The following PCDHA5 variants were observed in gnomAD, a reference collection of about 807,000 sequenced individuals.
PCDHA5 encodes protocadherin alpha 5, also known as protocadherin alpha-5.
A neutral mutation model predicts 61.6 loss-of-function variants in PCDHA5; 43 were observed. The observed-to-expected ratio is 0.70, with a 90% CI of 0.55 to 0.90. PCDHA5 has a LOEUF of 0.90. PCDHA5 is among the 40% of genes least tolerant of loss of function. The pLI, the probability that PCDHA5 is intolerant of heterozygous loss-of-function variation, is 0.00. For missense variants in PCDHA5, 1,298 were observed against 1,222.7 expected, an observed-to-expected ratio of 1.06 and a Z score of -0.92; for synonymous variants, 627 against 543.9, an observed-to-expected ratio of 1.15 and a Z score of -2.13.
chr5:140,858,135 T>C, intron 1 of PCDHA5: 1 of 1,597,450 alleles, frequency 6.3e-7, no homozygotes. Context: ...GATGTCAACG[T>C]GTACCTGATC....
At chr5:140,923,528 CA>C (rs1240707958) in intron 1 of PCDHA5, among the ~76,000 whole-genome samples, 1 of 151,622 alleles carries the variant, frequency 6.6e-6, no homozygotes, top group Non-Finnish European at 1.5e-5. Context: ...GATTCTGTCC[CA>C]AAAAAAGGAC....
At position 140,827,909 on chromosome 5, in the gene PCDHA5, A is replaced by C. The variant is rs2150149733; in HGVS notation, c.2352+3782A>C. On this transcript the variant is annotated intron_variant, in intron 1 of 3. Transcript: ENST00000529859. ...ATTTCTTACCTTTTGGAGCCGCATGATGTCGCTGTCTACCATGAAGTTATA... is the reference window on the plus strand; with the variant it reads ...ATTTCTTACCTTTTGGAGCCGCATGCTGTCGCTGTCTACCATGAAGTTATA... 8.5e-6 allele frequency: 7 copies of C among 822,554 alleles called. No individual in the cohort carries two copies. In the East Asian group the frequency reaches 1.5e-4, roughly 17 times the overall value. The allele number at this position is 822,554 out of a possible 1,614,324, so 51.0% of individuals were successfully genotyped here. A position where few individuals can be genotyped will look rare whatever the true frequency, so the allele number is the denominator to read the frequency against.
At chr5:140,842,986 G>T in intron 1 of PCDHA5, 1 of 1,595,006 alleles carries the variant, frequency 6.3e-7, no homozygotes, top group Admixed American at 1.7e-5. Context: ...AGGTGTTCGT[G>T]CTGGACGAGA....
intron 1 of PCDHA5, chr5:140,929,177 T>G: frequency 6.2e-7 from 1 of 1,614,172 alleles, no homozygotes; most frequent in Non-Finnish European, 8.5e-7. Flanking sequence ...TCTCTGGGAC[T>G]TGGTTCTGAT....
At chr5:140,931,260 T>G (rs576177407) in intron 1 of PCDHA5, among the ~76,000 whole-genome samples, 1 of 152,156 alleles carries the variant, frequency 6.6e-6, no homozygotes, top group South Asian at 2.1e-4. Context: ...GAAATTTCAC[T>G]ATTTATTTCT....
At position 140,927,438 on chromosome 5, in the gene PCDHA5, C is replaced by A. The variant is rs1446762816; in HGVS notation, c.2353-51511C>A. ...GATCGCGGGTTGACGGCAGCGAATACCCGGAGTTGGTGTTGGAGAAAGCAC... is the reference window on the plus strand; with the variant it reads ...GATCGCGGGTTGACGGCAGCGAATAACCGGAGTTGGTGTTGGAGAAAGCAC... On this transcript the variant is annotated intron_variant, in intron 1 of 3. Coordinates refer to ENST00000529859, the MANE Select transcript of PCDHA5 (RefSeq NM_018908.3). 3 of 1,614,032 alleles carry A rather than the reference C, an allele frequency of 1.9e-6. No individual in the cohort carries two copies. The Admixed American group carries it at 5.0e-5, about 27-fold the overall frequency.
intron 1 of PCDHA5, among the ~76,000 whole-genome samples, chr5:140,915,582 G>A (rs991142864): frequency 2.6e-5 from 4 of 152,056 alleles, no homozygotes; most frequent in South Asian, 4.1e-4. Flanking sequence ...CCAGGCAAAA[G>A]CACTTGTTCT....
At chr5:140,883,113 G>A in intron 1 of PCDHA5, 2 of 1,614,086 alleles carry the variant, frequency 1.2e-6, no homozygotes, top group Non-Finnish European at 1.7e-6. Context: ...TACTCATTTA[G>A]AAGGCCTGTA....
intron 1 of PCDHA5, among the ~76,000 whole-genome samples, chr5:140,973,558 T>C (rs1427190876): frequency 6.6e-6 from 1 of 152,238 alleles, no homozygotes; most frequent in Admixed American, 6.5e-5. Flanking sequence ...AATTACCTCT[T>C]TCCTCAATTT....
chr5:140,883,702 T>C (rs367854871), intron 1 of PCDHA5: 80 of 1,613,632 alleles, frequency 5.0e-5, no homozygotes, highest in South Asian at 6.6e-5. Context: ...TCACGGTGTC[T>C]GCTCAGGACG....
At chr5:140,931,547 T>C (rs2087587732) in intron 1 of PCDHA5, among the ~76,000 whole-genome samples, 1 of 152,064 alleles carries the variant, frequency 6.6e-6, no homozygotes, top group Admixed American at 6.5e-5. Flanking sequence ...ACTGTTCATA[T>C]GTGCAGGAAT....
chr5:140,823,842 G>A lies in PCDHA5; in HGVS notation c.2067G>A (p.Glu689=). The change falls in exon 1 of 4, where the codon GAG becomes GAA. Residue 689 remains glutamate, a synonymous_variant. Transcript: ENST00000529859. The part of the protein sequence containing the change: ...SRASAGAVGP[E]AALVDVNVYL... Reference sequence around the variant, plus strand: ...CGTCGGCGGGCGCTGTGGGTCCCGAGGCTGCCCTGGTGGATGTCAACGTGT... The same window carrying A: ...CGTCGGCGGGCGCTGTGGGTCCCGAAGCTGCCCTGGTGGATGTCAACGTGT... The A allele has an allele frequency of 1.2e-6, 2 of 1,613,848 alleles. No homozygotes were observed.
chr5:140,929,226 C>T (rs782065898), intron 1 of PCDHA5: 14 of 1,613,766 alleles, frequency 8.7e-6, no homozygotes, highest in African/African-American at 5.3e-5. Flanking sequence ...ACAATGCTGC[C>T]GACCTGCGAA....
chr5:140,981,787 T>C (rs2096951436), intron 2 of PCDHA5, among the ~76,000 whole-genome samples: 1 of 152,116 alleles, frequency 6.6e-6, no homozygotes, highest in Non-Finnish European at 1.5e-5. Flanking sequence ...CCATGTTCTC[T>C]TTTCCCTTGA....
At chr5:140,872,336 A>G (rs1554166138) in intron 1 of PCDHA5, among the ~76,000 whole-genome samples, 1 of 152,144 alleles carries the variant, frequency 6.6e-6, no homozygotes, top group African/African-American at 2.4e-5. Context: ...CTAAAATTCT[A>G]CATGTTCTTG....
At chr5:140,898,597 G>C (rs1452719602) in intron 1 of PCDHA5, among the ~76,000 whole-genome samples, 12 of 152,188 alleles carry the variant, frequency 7.9e-5, no homozygotes, top group Admixed American at 1.3e-4. Context: ...CTGTAGCCTT[G>C]TAGTATAGTT....
intron 1 of PCDHA5, among the ~76,000 whole-genome samples, chr5:140,961,983 A>C (rs941028423): frequency 1.3e-5 from 2 of 151,532 alleles, no homozygotes; most frequent in Non-Finnish European, 2.9e-5. Context: ...TCCTGGGTTC[A>C]CGCCATTGTC....
rs868942705 is a variant in PCDHA5 at position 140,935,763 on chromosome 5, C to T, written c.2353-43186C>T. Reference sequence around the variant, plus strand: ...TATTCCATACAATACACATTCTTCCCCACTTTGAGTTTTTTCACTTAAAAA... The same window carrying T: ...TATTCCATACAATACACATTCTTCCTCACTTTGAGTTTTTTCACTTAAAAA... On this transcript the variant is annotated intron_variant, in intron 1 of 3. Coordinates refer to ENST00000529859, the MANE Select transcript of PCDHA5 (RefSeq NM_018908.3). Among the ~76,000 whole-genome samples, 111 of 152,180 alleles carry T rather than the reference C, an allele frequency of 7.3e-4. 1 individual carries two copies. The highest frequency in any genetic ancestry group is 3.4e-3 in the Middle Eastern group (1 of 294).
rs2150519656 is a variant in PCDHA5, at chr5:140,852,588, T to TA, written c.2352+28461_2352+28462insA. On this transcript the variant is annotated intron_variant, in intron 1 of 3. Transcript: ENST00000529859. ...ACTGTGCCAAGGCTTTTTTATTTTT[T>TA]TTTTTTGTCATTTTCTTTCAAAACT... is the stretch of plus-strand genomic sequence containing the variant. The TA allele has an allele frequency of 3.3e-3, 2,940 of 881,502 alleles. 187 individuals are homozygous for TA. In the African/African-American group the frequency reaches 0.044, roughly 13 times the overall value. The allele number at this position is 881,502 out of a possible 1,614,324, so 54.6% of individuals were successfully genotyped here.
Sources: allele counts gnomAD v4.1 joint callset (sites outside exome capture counted in the v4.1 genomes callset), GRCh38; gene constraint gnomAD v4.1.1; transcripts MANE v1.5; gene names NCBI Gene and HGNC (gene_info 2026-07-23, HGNC 2026-07-21).